The following FHIT variants were observed in gnomAD, a reference collection of about 807,000 sequenced individuals.
FHIT encodes fragile histidine triad diadenosine triphosphatase, also known as bis(5'-adenosyl)-triphosphatase.
A neutral mutation model predicts 17.9 loss-of-function variants in FHIT; 19 were observed. That is an observed-to-expected ratio of 1.06 (90% confidence interval 0.74 to 1.56). The LOEUF is 1.56. FHIT is among the 40% of genes most tolerant of loss of function. FHIT has a pLI of 0.00. For missense variants in FHIT, 248 were observed against 189.2 expected, an observed-to-expected ratio of 1.31 and a Z score of -1.82; for synonymous variants, 81 against 69.7, an observed-to-expected ratio of 1.16 and a Z score of -0.81.
intron 4 of FHIT, among the ~76,000 whole-genome samples, chr3:60,809,816 A>G (rs1435397307): frequency 1.3e-5 from 2 of 152,200 alleles, no homozygotes; most frequent in Non-Finnish European, 2.9e-5. Flanking sequence ...GACTTGAGCT[A>G]CTGAACAACT....
chr3:59,800,622 G>C (rs1379219309), intron 8 of FHIT, among the ~76,000 whole-genome samples: 1 of 152,206 alleles, frequency 6.6e-6, no homozygotes, highest in Non-Finnish European at 1.5e-5. Flanking sequence ...CTTCAACTGA[G>C]CTGTTAACCA....
intron 4 of FHIT, among the ~76,000 whole-genome samples, chr3:60,714,118 G>C (rs1345295911): frequency 6.6e-6 from 1 of 152,118 alleles, no homozygotes; most frequent in African/African-American, 2.4e-5. Context: ...GGGATGCAAG[G>C]CTGGTTCAAT....
chr3:60,652,954 A>AAAACC (rs1553688706), intron 4 of FHIT, among the ~76,000 whole-genome samples: 4,292 of 129,906 alleles, frequency 0.033, 99 homozygotes, highest in East Asian at 0.081. Flanking sequence ...AAAACAAAAC[A>AAAACC]AAACCTTACT....
intron 5 of FHIT, among the ~76,000 whole-genome samples, chr3:60,334,556 G>A (rs1710143176): frequency 6.6e-6 from 1 of 152,178 alleles, no homozygotes; most frequent in Non-Finnish European, 1.5e-5. Context: ...GGAGGCCAAG[G>A]CAGGTGGATC....
intron 3 of FHIT, among the ~76,000 whole-genome samples, chr3:60,919,930 A>G (rs1232956124): frequency 6.6e-6 from 1 of 151,992 alleles, no homozygotes; most frequent in Non-Finnish European, 1.5e-5. Flanking sequence ...GCTACTCAGG[A>G]GGCTGAGGGA....
intron 8 of FHIT, among the ~76,000 whole-genome samples, chr3:59,879,919 AC>A (rs1234624847): frequency 0.076 from 6,309 of 82,562 alleles, 142 homozygotes; most frequent in African/African-American, 0.15. Flanking sequence ...CATTTCCCCC[AC>A]CCCCCCCCCC....
chr3:59,991,447 T>A (rs1709229191), intron 7 of FHIT, among the ~76,000 whole-genome samples: 1 of 152,066 alleles, frequency 6.6e-6, no homozygotes, highest in South Asian at 2.1e-4. Context: ...CAGCACTTCT[T>A]TAGCCAGTGG....
intron 7 of FHIT, among the ~76,000 whole-genome samples, chr3:60,008,859 G>T (rs1271073232): frequency 6.6e-6 from 1 of 152,204 alleles, no homozygotes; most frequent in Non-Finnish European, 1.5e-5. Flanking sequence ...GCTTCCAGGG[G>T]TCATAATTAT....
chr3:60,932,914 G>A (rs952223139), intron 3 of FHIT, among the ~76,000 whole-genome samples: 3 of 152,100 alleles, frequency 2.0e-5, no homozygotes, highest in Non-Finnish European at 4.4e-5. Flanking sequence ...CCACAAGCAA[G>A]TCTGTGACTC....
chr3:60,884,048 C>G (rs1377904391), intron 3 of FHIT, among the ~76,000 whole-genome samples: 1 of 152,080 alleles, frequency 6.6e-6, no homozygotes, highest in Non-Finnish European at 1.5e-5. Context: ...TTAAACTGGG[C>G]AAAAGACCTG....
intron 5 of FHIT, among the ~76,000 whole-genome samples, chr3:60,126,093 C>G (rs1325510629): frequency 1.3e-5 from 2 of 152,114 alleles, no homozygotes; most frequent in African/African-American, 4.8e-5. Flanking sequence ...AGAGGAAAAA[C>G]AAGAACTTGG....
intron 7 of FHIT, among the ~76,000 whole-genome samples, chr3:59,950,671 C>A (rs576453673): frequency 1.3e-5 from 2 of 152,314 alleles, no homozygotes; most frequent in South Asian, 4.1e-4. Context: ...TACTTCCATG[C>A]TACAAACTCA....
At chr3:59,776,813 C>A (rs1029888847) in intron 8 of FHIT, among the ~76,000 whole-genome samples, 4 of 152,184 alleles carry the variant, frequency 2.6e-5, no homozygotes, top group African/African-American at 9.7e-5. Context: ...GTATTAATAT[C>A]ATCCTTTTAT....
In FHIT at chr3:59,752,212, A is replaced by T. The variant is rs1174170471; in HGVS notation, c.*5+9T>A. ...GAGGGTCTGGGTAATGACGAAATGCAGTCTTTACCTGTGTCACTGAAAGTA... is the reference window on the plus strand; with the variant it reads ...GAGGGTCTGGGTAATGACGAAATGCTGTCTTTACCTGTGTCACTGAAAGTA... On this transcript the variant is annotated intron_variant, in intron 9 of 9. Transcript: ENST00000492590. 1 of 1,592,106 alleles carries T rather than the reference A, an allele frequency of 6.3e-7. No homozygotes were observed. Among genetic ancestry groups the T allele is most frequent in the Non-Finnish European group, 8.6e-7 (1 of 1,162,558 alleles).
At chr3:60,579,478 G>GT (rs2107677300) in intron 4 of FHIT, among the ~76,000 whole-genome samples, 2 of 152,222 alleles carry the variant, frequency 1.3e-5, no homozygotes, top group African/African-American at 4.8e-5. Context: ...AAAATAAAGT[G>GT]TATGTTGACT....
chr3:61,222,330 G>C (rs1217528277), intron 1 of FHIT, among the ~76,000 whole-genome samples: 1 of 152,198 alleles, frequency 6.6e-6, no homozygotes, highest in Non-Finnish European at 1.5e-5. Flanking sequence ...TAGTCTTCCT[G>C]TGCCTGGCAC....
chr3:59,750,146 A>T (rs1317508522), intron 9 of FHIT: 3 of 226,624 alleles, frequency 1.3e-5, no homozygotes, highest in African/African-American at 2.2e-5. Context: ...CCTCCAGGCA[A>T]GACAGAAGCA....
At chr3:61,110,907 G>A (rs988791731) in intron 2 of FHIT, among the ~76,000 whole-genome samples, 6 of 151,928 alleles carry the variant, frequency 3.9e-5, no homozygotes, top group Admixed American at 6.6e-5. Context: ...AGGTTTTACC[G>A]CTATAAAACA....
At chr3:60,733,383 T>A (rs2042071797) in intron 4 of FHIT, among the ~76,000 whole-genome samples, 1 of 152,230 alleles carries the variant, frequency 6.6e-6, no homozygotes, top group Non-Finnish European at 1.5e-5. Flanking sequence ...CCAATATATT[T>A]TATTTCTATA....
Sources: gnomAD v4.1 joint callset for allele counts (sites outside exome capture counted in the v4.1 genomes callset) on GRCh38, gnomAD v4.1.1 for gene constraint, MANE v1.5 for transcripts, NCBI Gene and HGNC (gene_info 2026-07-23, HGNC 2026-07-21) for gene names.